The following ARFIP1 variants were observed in gnomAD, a reference collection of about 807,000 sequenced individuals.
The protein encoded by ARFIP1 is ARF interacting protein 1, also known as arfaptin-1.
In ARFIP1, 24 loss-of-function variants were observed where a neutral mutation model predicts 42.5. The observed-to-expected ratio is 0.57, with a 90% CI of 0.41 to 0.80. The LOEUF (loss-of-function observed/expected upper bound fraction) is 0.80. Ranked by LOEUF, ARFIP1 falls within the 30% of genes least tolerant of loss-of-function variation. The probability of loss-of-function intolerance (pLI) is 0.00; values close to 1 mark genes in which losing one functional copy is unlikely to be tolerated. For missense variants in ARFIP1, 354 were observed against 434.0 expected, an observed-to-expected ratio of 0.82 and a Z score of 1.64; for synonymous variants, 141 against 153.7, an observed-to-expected ratio of 0.92 and a Z score of 0.61.
chr4:152,833,524 AG>A (rs1455493755), intron 2 of ARFIP1, among the ~76,000 whole-genome samples: 1 of 152,246 alleles, frequency 6.6e-6, no homozygotes, highest in Non-Finnish European at 1.5e-5. Flanking sequence ...ATATATTCAA[AG>A]GAAATTAAAT....
intron 8 of ARFIP1, among the ~76,000 whole-genome samples, chr4:152,889,529 A>G (rs1167147803): frequency 2.2e-5 from 1 of 45,198 alleles, no homozygotes; most frequent in African/African-American, 5.8e-5. Context: ...ATATATATAT[A>G]TATATACACC....
chr4:152,872,355 A>T (rs1734959289), intron 4 of ARFIP1, 97 bp from the exon 5 acceptor site: 2 of 761,100 alleles, frequency 2.6e-6, no homozygotes. Flanking sequence ...CTTTTTTTAG[A>T]TGCATAAGAA....
chr4:152,785,464 A>G (rs1730744148), intron 1 of ARFIP1, among the ~76,000 whole-genome samples: 1 of 152,214 alleles, frequency 6.6e-6, no homozygotes, highest in Non-Finnish European at 1.5e-5. Flanking sequence ...TGTAATCTCT[A>G]AAATGGCCAG....
intron 2 of ARFIP1, among the ~76,000 whole-genome samples, chr4:152,835,766 A>T (rs150335535): frequency 1.4e-3 from 210 of 152,160 alleles, no homozygotes; most frequent in African/African-American, 4.6e-3. Flanking sequence ...GGTAATTTAT[A>T]AAAAAAAGAG....
intron 2 of ARFIP1, among the ~76,000 whole-genome samples, chr4:152,834,224 C>T (rs1731471341): frequency 6.6e-6 from 1 of 152,180 alleles, no homozygotes; most frequent in South Asian, 2.1e-4. Flanking sequence ...CAAGGCCCCA[C>T]CTCTAACATT....
intron 2 of ARFIP1, among the ~76,000 whole-genome samples, chr4:152,835,220 T>A (rs1200519253): frequency 6.6e-6 from 1 of 152,238 alleles, no homozygotes; most frequent in Admixed American, 6.5e-5. Flanking sequence ...TTTCCAAACT[T>A]TTATGCTCTG....
chr4:152,870,783 T>G lies in ARFIP1; in HGVS notation c.233T>G (p.Met78Arg), dbSNP rs1323363245. Residue 78 changes from methionine to arginine, a missense_variant, in exon 4 of 9, where the codon ATG becomes AGG. Transcript: ENST00000353617. Reference sequence around the variant, plus strand: ...CCAGCACCGCCACTGCCATCTGTTATGTCTCCTAGCAGGGTTGCAGCTAGT... The same window carrying G: ...CCAGCACCGCCACTGCCATCTGTTAGGTCTCCTAGCAGGGTTGCAGCTAGT... Reference protein sequence around the residue: ...GSPAPPLPSVMSPSRVAASRL... With the variant: ...GSPAPPLPSVRSPSRVAASRL... 6.2e-7 allele frequency: 1 copy of G among 1,614,156 alleles called. No individual in the cohort carries two copies. Among genetic ancestry groups the G allele is most frequent in the East Asian group, 2.2e-5 (1 of 44,880 alleles).
At chr4:152,898,811 C>G (rs374270734) in intron 8 of ARFIP1, among the ~76,000 whole-genome samples, 1 of 152,288 alleles carries the variant, frequency 6.6e-6, no homozygotes, top group African/African-American at 2.4e-5. Context: ...AACCCTGGAT[C>G]ATATGTTTAA....
At position 152,888,129 on chromosome 4, in the gene ARFIP1, C is replaced by T. The variant is rs1411681395; in HGVS notation, c.792-4C>T. On this transcript the variant is annotated splice_polypyrimidine_tract_variant and splice_region_variant and intron_variant, in intron 7 of 8. Transcript: ENST00000353617. Reference sequence around the variant, plus strand: ...GTATGCTTCACTTACTCTCTTCTTTCCAGGATTGAATATGATGCATATCGC... The same window carrying T: ...GTATGCTTCACTTACTCTCTTCTTTTCAGGATTGAATATGATGCATATCGC... 6.3e-7 allele frequency: 1 copy of T among 1,591,108 alleles called. No individual in the cohort carries two copies. The highest frequency in any genetic ancestry group is 8.5e-7 in the Non-Finnish European group (1 of 1,171,928).
chr4:152,908,898 G>GTGTA lies in ARFIP1; in HGVS notation c.967-1163_967-1162insATGT, dbSNP rs1189767364. Reference sequence around the variant, plus strand: ...CAGAAATGGCTAGAGAGAAGTGTGTGTGTGTGTGTGTGTGTGTGTGTGTGT... The same window carrying GTGTA: ...CAGAAATGGCTAGAGAGAAGTGTGTGTGTATGTGTGTGTGTGTGTGTGTGTGTGT... On this transcript the variant is annotated intron_variant, in intron 8 of 8. Coordinates refer to ENST00000353617, the MANE Select transcript of ARFIP1 (RefSeq NM_001025595.3). Among the ~76,000 whole-genome samples, 3 of 62,662 alleles carry GTGTA rather than the reference G, an allele frequency of 4.8e-5. No homozygotes were observed. The East Asian group carries it at 1.7e-3, about 35-fold the overall frequency. 41.1% of individuals were successfully genotyped at this position (62,662 alleles called of 152,430 possible).
chr4:152,878,267 G>C (rs561998843), intron 5 of ARFIP1, among the ~76,000 whole-genome samples: 2 of 152,172 alleles, frequency 1.3e-5, no homozygotes, highest in Non-Finnish European at 2.9e-5. Context: ...CATTTTCAGG[G>C]ACTCTGAGGA....
At chr4:152,799,459 G>T (rs1324005402) in intron 1 of ARFIP1, among the ~76,000 whole-genome samples, 2 of 152,216 alleles carry the variant, frequency 1.3e-5, no homozygotes, top group African/African-American at 2.4e-5. Context: ...CTTCAACTAA[G>T]CCAAGCTACT....
chr4:152,900,222 A>G (rs1204795361), intron 8 of ARFIP1, among the ~76,000 whole-genome samples: 1 of 152,140 alleles, frequency 6.6e-6, no homozygotes, highest in South Asian at 2.1e-4. Flanking sequence ...ATAGAACAAA[A>G]AAGGCGAAAG....
intron 1 of ARFIP1, chr4:152,796,251 C>T: frequency 9.7e-7 from 1 of 1,028,144 alleles, no homozygotes; most frequent in Non-Finnish European, 1.5e-6. Context: ...TTCTTTACAC[C>T]AAGTATTGGT....
At position 152,841,387 on chromosome 4, in the gene ARFIP1, T is replaced by C. The variant is rs116466314; in HGVS notation, c.93+11661T>C. Among the ~76,000 whole-genome samples the C allele has an allele frequency of 3.6e-3, 550 of 152,314 alleles. 5 individuals are homozygous for C. Among genetic ancestry groups the C allele is most frequent in the African/African-American group, 0.013 (535 of 41,578 alleles). On this transcript the variant is annotated intron_variant, in intron 2 of 8. Transcript: ENST00000353617. ...AGACCATTTGTATTCAATGTTAGTA[T>C]TGAAATGTGAGGTACGGTTGCATTC...
At chr4:152,860,851 A>G (rs911973977) in intron 2 of ARFIP1, among the ~76,000 whole-genome samples, 8 of 152,218 alleles carry the variant, frequency 5.3e-5, no homozygotes, top group African/African-American at 1.9e-4. Flanking sequence ...TACTTATGAC[A>G]GGGTAGATTT....
chr4:152,796,410 CCTT>C lies in ARFIP1; in HGVS notation c.-10+16191_-10+16193del, dbSNP rs1483707752. ...ACTTCAGTAACCATCCTCTTCCATG[CCTT>C]CTTCTTTCTCTTTCCTGTTTGAATA... On this transcript the variant is annotated intron_variant, in intron 1 of 8. Transcript: ENST00000353617. 80 of 739,698 alleles carry C rather than the reference CCTT, an allele frequency of 1.1e-4. No homozygotes were observed. In the East Asian group the frequency reaches 1.9e-3, roughly 17 times the overall value. The allele number at this position is 739,698 out of a possible 1,614,324, so 45.8% of individuals were successfully genotyped here. A position where few individuals can be genotyped will look rare whatever the true frequency, so the allele number is the denominator to read the frequency against.
intron 2 of ARFIP1, among the ~76,000 whole-genome samples, chr4:152,854,448 T>G (rs1167554793): frequency 2.0e-5 from 3 of 152,194 alleles, no homozygotes; most frequent in Non-Finnish European, 4.4e-5. Flanking sequence ...GTTTGAATTC[T>G]TTTTCCAAGG....
intron 8 of ARFIP1, among the ~76,000 whole-genome samples, chr4:152,892,192 C>T (rs920782471): frequency 2.0e-5 from 3 of 152,100 alleles, no homozygotes; most frequent in African/African-American, 7.2e-5. Context: ...CAGGCGCATG[C>T]CACCACATCC....
Sources: gnomAD v4.1 joint callset for allele counts (sites outside exome capture counted in the v4.1 genomes callset) on GRCh38, gnomAD v4.1.1 for gene constraint, MANE v1.5 for transcripts, NCBI Gene and HGNC (gene_info 2026-07-23, HGNC 2026-07-21) for gene names.